The following R3HDM2 variants were observed in gnomAD, a reference collection of about 807,000 sequenced individuals.
R3HDM2 encodes R3H domain containing 2.
R3HDM2 carries 38 observed loss-of-function variants against 124.5 expected under a neutral mutation model. That is an observed-to-expected ratio of 0.31 (90% confidence interval 0.24 to 0.40). The LOEUF (loss-of-function observed/expected upper bound fraction) is 0.40. Among genes scored for constraint, R3HDM2 ranks in the 10% least tolerant of loss-of-function variants. The pLI is 1.00. For synonymous variants in R3HDM2, 391 were observed against 448.0 expected, an observed-to-expected ratio of 0.87 and a Z score of 1.61; for missense variants, 869 against 1,236.9, an observed-to-expected ratio of 0.70 and a Z score of 4.46.
At chr12:57,368,977 G>A (rs1468973904) in intron 2 of R3HDM2, among the ~76,000 whole-genome samples, 2 of 152,076 alleles carry the variant, frequency 1.3e-5, no homozygotes, top group Non-Finnish European at 2.9e-5. Flanking sequence ...GCTACGGTGG[G>A]ACTAAGAAGG....
intron 1 of R3HDM2, among the ~76,000 whole-genome samples, chr12:57,413,595 G>T (rs998080122): frequency 1.3e-5 from 2 of 151,736 alleles, no homozygotes; most frequent in Admixed American, 6.6e-5. Context: ...AATTAGCCAG[G>T]CATGGTGGCG....
chr12:57,342,270 T>C (rs2059643418), intron 2 of R3HDM2, among the ~76,000 whole-genome samples: 1 of 152,178 alleles, frequency 6.6e-6, no homozygotes, highest in African/African-American at 2.4e-5. Context: ...AGAAATTCCT[T>C]CTGGGAAACC....
chr12:57,318,008 G>A lies in R3HDM2; in HGVS notation c.-35-7545C>T, dbSNP rs2055543640. On this transcript the variant is annotated intron_variant, in intron 2 of 23. Transcript: ENST00000402412. Reference sequence around the variant, plus strand: ...CCCCCCAAAAAAAAAAAAAAGGAATGGCTGGGCGAGGTGGCTCATGCCTGT... The same window carrying A: ...CCCCCCAAAAAAAAAAAAAAGGAATAGCTGGGCGAGGTGGCTCATGCCTGT... Among the ~76,000 whole-genome samples, 8 of 146,880 alleles carry A rather than the reference G, an allele frequency of 5.4e-5. No individual in the cohort carries two copies. In the Admixed American group the frequency reaches 5.4e-4, roughly 10 times the overall value.
chr12:57,326,135 A>G (rs929428395), intron 2 of R3HDM2, among the ~76,000 whole-genome samples: 2 of 152,110 alleles, frequency 1.3e-5, no homozygotes, highest in Non-Finnish European at 2.9e-5. Context: ...TCTACCACCC[A>G]ACTGTTCCCC....
At chr12:57,262,802 A>G (rs1365659827) in intron 19 of R3HDM2, among the ~76,000 whole-genome samples, 2 of 152,202 alleles carry the variant, frequency 1.3e-5, no homozygotes, top group African/African-American at 4.8e-5. Flanking sequence ...TAAGATCGAT[A>G]TGGTGAATAC....
chr12:57,255,310 A>G (rs2038624463), intron 23 of R3HDM2, among the ~76,000 whole-genome samples, 197 bp from the exon 24 acceptor site: 1 of 152,080 alleles, frequency 6.6e-6, no homozygotes, highest in South Asian at 2.1e-4. Flanking sequence ...AAACAAATGA[A>G]CCTTTCTATT....
In R3HDM2 at chr12:57,254,124, C is replaced by G. The variant is rs934775194; in HGVS notation, c.*649G>C. Reference sequence around the variant, plus strand: ...TTGGGATGTTAAGGTAATAGGAGGACAGTGTGGGACTTTCCCAATTCTACC... The same window carrying G: ...TTGGGATGTTAAGGTAATAGGAGGAGAGTGTGGGACTTTCCCAATTCTACC... On this transcript the variant is annotated 3_prime_UTR_variant, in exon 24 of 24. Transcript: ENST00000402412. 4.4e-6 allele frequency: 2 copies of G among 452,936 alleles called. No homozygotes were observed. Among genetic ancestry groups the G allele is most frequent in the Admixed American group, 2.4e-5 (1 of 41,722 alleles). The allele number at this position is 452,936 out of a possible 1,614,324, so 28.1% of individuals were successfully genotyped here. A position where few individuals can be genotyped will look rare whatever the true frequency, so the allele number is the denominator to read the frequency against.
At position 57,310,305 on chromosome 12, in the gene R3HDM2, C is replaced by G; in HGVS notation, c.124G>C (p.Glu42Gln). The G allele has an allele frequency of 6.5e-7, 1 of 1,547,124 alleles. No individual in the cohort carries two copies. The highest frequency in any genetic ancestry group is 2.4e-5 in the East Asian group (1 of 40,840). The change falls in exon 3 of 24, where the codon GAG becomes CAG. Residue 42 changes from glutamate (E) to glutamine (Q), a missense_variant. Physicochemically the swap from Glu to Gln is conservative, Grantham distance 29. This residue lies in a region of R3HDM2 where 267 missense variants were observed against 447.7 expected (regional missense o/e 0.60). Coordinates refer to ENST00000402412, the MANE Select transcript of R3HDM2 (RefSeq NM_001394031.1). ...AAACTGGTATCTTCACATTCTTTCT[C>G]AATTTCTTCCTTACTTGGAGTCTTA... ...ISKTPSKEEI[E>Q]KECEDTSLRQ...
intron 1 of R3HDM2, among the ~76,000 whole-genome samples, chr12:57,397,514 T>C (rs368217469): frequency 1.3e-4 from 19 of 151,714 alleles, no homozygotes; most frequent in African/African-American, 4.4e-4. Context: ...AAAGTTCTAG[T>C]TTTTTTTTAT....
chr12:57,258,937 G>A lies in R3HDM2; in HGVS notation c.2254C>T (p.Arg752Trp). 4.3e-6 allele frequency: 7 copies of A among 1,611,578 alleles called. No homozygotes were observed. Among genetic ancestry groups the A allele is most frequent in the African/African-American group, 1.3e-5 (1 of 74,938 alleles). ...TACAGGTCTCCAGGCTTCTGCCCCC[G>A]CTGGTCCATGCTGTAGTATTTACAA... Reference protein sequence around the residue: ...SHCKYYSMDQRGQKPGDLYSP... With the variant: ...SHCKYYSMDQWGQKPGDLYSP... Residue 752 changes from arginine to tryptophan, a missense_variant, in exon 20 of 24, where the codon CGG becomes TGG. Physicochemically the swap from Arg to Trp is moderately radical, Grantham distance 101. This residue lies in a region of R3HDM2 where 602 missense variants were observed against 789.2 expected (regional missense o/e 0.76). Transcript: ENST00000402412.
In R3HDM2 at chr12:57,280,415, AG is replaced by A. The variant is rs1483543615; in HGVS notation, c.1286del (p.Pro429LeufsTer13). 1 of 1,614,030 alleles carries A rather than the reference AG, an allele frequency of 6.2e-7. No individual in the cohort carries two copies. The highest frequency in any genetic ancestry group is 8.5e-7 in the Non-Finnish European group (1 of 1,180,006). Reference protein sequence around the residue: ...QQQQQQQQQLPALPPTPQQQP... With the variant: ...QQQQQQQQQLXALPPTPQQQP... Reference sequence around the variant, plus strand: ...GTTGCTGAGGCGTGGGTGGGAGAGCAGGAAGTTGCTGCTGCTGCTGCTGCTG... The same window carrying A: ...GTTGCTGAGGCGTGGGTGGGAGAGCAGAAGTTGCTGCTGCTGCTGCTGCTG... On this transcript the variant is annotated frameshift_variant, in exon 14 of 24. Coordinates refer to ENST00000402412, the MANE Select transcript of R3HDM2 (RefSeq NM_001394031.1). LOFTEE classifies it high-confidence loss of function.
At chr12:57,345,337 G>T (rs1257875515) in intron 2 of R3HDM2, among the ~76,000 whole-genome samples, 1 of 152,050 alleles carries the variant, frequency 6.6e-6, no homozygotes, top group Non-Finnish European at 1.5e-5. Context: ...CTCAGTAATT[G>T]CCCCAAACAG....
At chr12:57,391,862 C>T (rs576125746) in intron 2 of R3HDM2, among the ~76,000 whole-genome samples, 1 of 152,250 alleles carries the variant, frequency 6.6e-6, no homozygotes, top group Admixed American at 6.5e-5. Context: ...GTGCAAAGAG[C>T]TATAGTAAAA....
intron 2 of R3HDM2, among the ~76,000 whole-genome samples, chr12:57,329,766 A>AG (rs145571681): frequency 6.6e-6 from 1 of 151,438 alleles, no homozygotes; most frequent in African/African-American, 2.4e-5. Flanking sequence ...AAAAAGAAAA[A>AG]AAAAGAACAA....
chr12:57,291,919 T>C (rs1201378877), intron 11 of R3HDM2, among the ~76,000 whole-genome samples: 1 of 152,212 alleles, frequency 6.6e-6, no homozygotes, highest in African/African-American at 2.4e-5. Context: ...AGTCCACACA[T>C]TTAAGAGTAA....
chr12:57,292,748 G>A (rs777644370), intron 10 of R3HDM2, 81 bp from the exon 11 acceptor site: 7 of 914,664 alleles, frequency 7.7e-6, no homozygotes, highest in Non-Finnish European at 9.9e-6. Context: ...AAGAGAAACC[G>A]GGAAAGTTTA....
At chr12:57,255,558 C>T (rs1592280196) in intron 23 of R3HDM2, among the ~76,000 whole-genome samples, 1 of 152,262 alleles carries the variant, frequency 6.6e-6, no homozygotes, top group East Asian at 1.9e-4. Flanking sequence ...GTCAAGTTTC[C>T]CTTCCTTTCC....
rs1479226216 is a variant in R3HDM2 at position 57,327,965 on chromosome 12, C to T, written c.-35-17502G>A. Among the ~76,000 whole-genome samples, 5 of 152,106 alleles carry T rather than the reference C, an allele frequency of 3.3e-5. No individual in the cohort carries two copies. The East Asian group carries it at 9.6e-4, about 29-fold the overall frequency. ...GTGGCAGGGTTTGAGAGGACTGACT[C>T]CAATTTTGCAAGTTCAACTGTGGAT... On this transcript the variant is annotated intron_variant, in intron 2 of 23. Coordinates refer to ENST00000402412, the MANE Select transcript of R3HDM2 (RefSeq NM_001394031.1).
At chr12:57,282,667 C>CA (rs920097751) in intron 13 of R3HDM2, among the ~76,000 whole-genome samples, 58 of 144,732 alleles carry the variant, frequency 4.0e-4, no homozygotes, top group South Asian at 1.7e-3. Flanking sequence ...CTTGAAAAAG[C>CA]AAAAAAAAAA....
Sources: allele counts gnomAD v4.1 joint callset (sites outside exome capture counted in the v4.1 genomes callset), GRCh38; gene constraint gnomAD v4.1.1; regional missense constraint gnomAD v4.1.1; transcripts MANE v1.5; gene names NCBI Gene and HGNC (gene_info 2026-07-23, HGNC 2026-07-21).